Variants in LRRTM4 observed in about 807,000 individuals in gnomAD.
The protein encoded by LRRTM4 is leucine rich repeat transmembrane neuronal 4.
A neutral mutation model predicts 47.6 loss-of-function variants in LRRTM4; 25 were observed. The observed-to-expected ratio is 0.53, with a 90% CI of 0.38 to 0.73. The LOEUF (loss-of-function observed/expected upper bound fraction) is 0.73, where lower values mean the gene tolerates loss of function less well. Ranked by LOEUF, LRRTM4 falls within the 30% of genes least tolerant of loss-of-function variation. The pLI is 0.00. For missense variants in LRRTM4, 638 were observed against 713.4 expected, an observed-to-expected ratio of 0.89 and a Z score of 1.20; for synonymous variants, 311 against 269.5, an observed-to-expected ratio of 1.15 and a Z score of -1.51.
intron 3 of LRRTM4, among the ~76,000 whole-genome samples, chr2:77,309,092 G>A (rs1471571113): frequency 6.6e-6 from 1 of 152,166 alleles, no homozygotes; most frequent in African/African-American, 2.4e-5. Flanking sequence ...AAAGAATAAT[G>A]TGAGTTAGAA....
intron 3 of LRRTM4, among the ~76,000 whole-genome samples, chr2:76,992,143 A>G (rs569914046): frequency 1.3e-5 from 2 of 151,928 alleles, no homozygotes; most frequent in East Asian, 3.9e-4. Context: ...ACTCAAAATA[A>G]TAAGAGCTAT....
At chr2:77,099,236 T>A (rs1305652415) in intron 3 of LRRTM4, among the ~76,000 whole-genome samples, 1 of 152,046 alleles carries the variant, frequency 6.6e-6, no homozygotes, top group South Asian at 2.1e-4. Context: ...TATAGAATAA[T>A]GAAAACATTA....
At chr2:76,902,194 T>C (rs1416292986) in intron 3 of LRRTM4, among the ~76,000 whole-genome samples, 4 of 152,192 alleles carry the variant, frequency 2.6e-5, no homozygotes. Context: ...TCCAAGTCTT[T>C]GTGAAAATAC....
chr2:76,957,433 A>G (rs1023805424), intron 3 of LRRTM4, among the ~76,000 whole-genome samples: 4 of 151,768 alleles, frequency 2.6e-5, no homozygotes, highest in African/African-American at 9.7e-5. Context: ...AACAAGTTAG[A>G]TATCTCACAA....
chr2:77,307,191 C>T (rs979226000), intron 3 of LRRTM4, among the ~76,000 whole-genome samples: 6 of 152,000 alleles, frequency 3.9e-5, no homozygotes, highest in Admixed American at 6.5e-5. Flanking sequence ...TGAGCCACCG[C>T]GCCCGGCCCC....
intron 3 of LRRTM4, among the ~76,000 whole-genome samples, chr2:77,322,657 C>T (rs1677829366): frequency 6.6e-6 from 1 of 151,576 alleles, no homozygotes; most frequent in Non-Finnish European, 1.5e-5. Context: ...TAAAAATAAG[C>T]TTCACAGATC....
At chr2:76,848,600 CCAGTT>C (rs1671902196) in intron 3 of LRRTM4, among the ~76,000 whole-genome samples, 2 of 152,066 alleles carry the variant, frequency 1.3e-5, no homozygotes, top group South Asian at 4.1e-4. Flanking sequence ...AGCAAAATCT[CCAGTT>C]CATTATTATT....
intron 3 of LRRTM4, among the ~76,000 whole-genome samples, chr2:76,856,086 G>A (rs113668653): frequency 5.9e-5 from 9 of 152,204 alleles, no homozygotes; most frequent in Non-Finnish European, 1.0e-4. Flanking sequence ...AGACCAGCCT[G>A]GCCAACATGG....
intron 3 of LRRTM4, among the ~76,000 whole-genome samples, chr2:77,212,937 C>T (rs1674335406): frequency 6.6e-6 from 1 of 151,968 alleles, no homozygotes; most frequent in African/African-American, 2.4e-5. Context: ...TTTCTTTGTA[C>T]CCACTGATCA....
chr2:77,463,840 G>A (rs116272273), intron 3 of LRRTM4, among the ~76,000 whole-genome samples: 5 of 152,078 alleles, frequency 3.3e-5, no homozygotes, highest in Admixed American at 6.6e-5. Flanking sequence ...ACCACATGGC[G>A]GGTGGCAGTG....
At chr2:77,382,570 G>A (rs1273782161) in intron 3 of LRRTM4, among the ~76,000 whole-genome samples, 1 of 152,022 alleles carries the variant, frequency 6.6e-6, no homozygotes, top group Non-Finnish European at 1.5e-5. Context: ...CTTTCCACAA[G>A]TCTTGGCAAA....
chr2:77,321,234 C>T (rs970764116), intron 3 of LRRTM4, among the ~76,000 whole-genome samples: 1 of 151,998 alleles, frequency 6.6e-6, no homozygotes, highest in African/African-American at 2.4e-5. Flanking sequence ...ACAGAGATTC[C>T]CCTCTGCATA....
chr2:76,881,857 A>T (rs1214121517), intron 3 of LRRTM4, among the ~76,000 whole-genome samples: 1 of 152,072 alleles, frequency 6.6e-6, no homozygotes, highest in Non-Finnish European at 1.5e-5. Context: ...CTAACACTGA[A>T]CTTTTTATGG....
At chr2:77,042,674 T>C (rs1679077229) in intron 3 of LRRTM4, among the ~76,000 whole-genome samples, 1 of 149,028 alleles carries the variant, frequency 6.7e-6, no homozygotes, top group Non-Finnish European at 1.5e-5. Context: ...CTTATGATGA[T>C]AAGTAAATTA....
chr2:76,831,943 T>C (rs952137074), intron 3 of LRRTM4, among the ~76,000 whole-genome samples: 3 of 152,132 alleles, frequency 2.0e-5, no homozygotes, highest in South Asian at 4.1e-4. Flanking sequence ...AATGTGATAA[T>C]TGGTGTCCTA....
intron 3 of LRRTM4, among the ~76,000 whole-genome samples, chr2:77,325,271 A>G (rs1470432217): frequency 6.6e-6 from 1 of 152,188 alleles, no homozygotes; most frequent in Non-Finnish European, 1.5e-5. Context: ...ATAGTTGAGC[A>G]CTTGGCAAAG....
intron 3 of LRRTM4, among the ~76,000 whole-genome samples, chr2:77,371,747 A>C (rs191902816): frequency 2.8e-4 from 42 of 151,470 alleles, no homozygotes; most frequent in African/African-American, 1.0e-3. Flanking sequence ...CTCCCTCTTA[A>C]CTTCATCTCC....
At chr2:77,386,923 G>T (rs540454848) in intron 3 of LRRTM4, among the ~76,000 whole-genome samples, 9 of 152,026 alleles carry the variant, frequency 5.9e-5, no homozygotes, top group Non-Finnish European at 1.2e-4. Context: ...CACATGTTCT[G>T]CAGATGTATC....
At chr2:76,852,229 G>T (rs906518974) in intron 3 of LRRTM4, among the ~76,000 whole-genome samples, 2 of 152,020 alleles carry the variant, frequency 1.3e-5, no homozygotes, top group African/African-American at 2.4e-5. Flanking sequence ...CACAACTTCT[G>T]TTCTATGGAA....
Sources: gnomAD v4.1 joint callset for allele counts (sites outside exome capture counted in the v4.1 genomes callset) on GRCh38, gnomAD v4.1.1 for gene constraint, MANE v1.5 for transcripts, NCBI Gene and HGNC (gene_info 2026-07-23, HGNC 2026-07-21) for gene names.